GPR107: variants seen among roughly 807,000 people sequenced by gnomAD.
GPR107 encodes the protein protein GPR107.
A neutral mutation model predicts 75.5 loss-of-function variants in GPR107; 31 were observed. That is an observed-to-expected ratio of 0.41 (90% CI 0.31 to 0.55). The LOEUF is 0.55. Among genes scored for constraint, GPR107 ranks in the 20% least tolerant of loss-of-function variants. The probability of loss-of-function intolerance (pLI) is 0.26; values close to 1 mark genes in which losing one functional copy is unlikely to be tolerated. For synonymous variants in GPR107, 267 were observed against 251.3 expected, an observed-to-expected ratio of 1.06 and a Z score of -0.59; for missense variants, 572 against 665.7, an observed-to-expected ratio of 0.86 and a Z score of 1.55.
chr9:130,083,650 T>C, intron 6 of GPR107, 48 bp downstream of exon 6: 1 of 1,159,740 alleles, frequency 8.6e-7, no homozygotes, highest in Non-Finnish European at 1.2e-6. Flanking sequence ...GATATGTGTG[T>C]ACGTGTGTGT....
chr9:130,137,187 C>G lies in GPR107; in HGVS notation c.*2066C>G, dbSNP rs1554900095. On this transcript the variant is annotated 3_prime_UTR_variant, in exon 18 of 18. Transcript: ENST00000347136. ...AAAGGTGTGATGAAACCTCCCTGCT[C>G]GGAAGGGTCTCCGTGGAGGTGTCCT... The G allele has an allele frequency of 1.3e-5, 2 of 152,240 alleles. No homozygotes were observed. Among genetic ancestry groups the G allele is most frequent in the African/African-American group, 4.8e-5 (2 of 41,454 alleles). 9.4% of individuals were successfully genotyped at this position (152,240 alleles called of 1,614,324 possible).
chr9:130,116,009 G>A (rs1352564891), intron 14 of GPR107, among the ~76,000 whole-genome samples: 1 of 152,192 alleles, frequency 6.6e-6, no homozygotes, highest in Non-Finnish European at 1.5e-5. Context: ...CTCTATTCCT[G>A]TAATGCCATC....
Position 130,099,459 on chromosome 9 carries a change from A to C in GPR107, c.866A>C (p.Asn289Thr), listed in dbSNP as rs1289533595. Residue 289 changes from asparagine to threonine, a missense_variant and splice_region_variant, in exon 10 of 18, where the codon AAT (asparagine) becomes ACT (threonine). By Grantham distance (65) the Asn-to-Thr change is moderately conservative. Coordinates refer to ENST00000347136, the MANE Select transcript of GPR107 (RefSeq NM_020960.5). ...IWIHILRKRR[N>T]DVFKIHWLMA... ...TTGTTTTCTCTCTGTTTTTATAGGAATGATGTATTTAAAATCCACTGGCTG... is the reference window on the plus strand; with the variant it reads ...TTGTTTTCTCTCTGTTTTTATAGGACTGATGTATTTAAAATCCACTGGCTG... 1.3e-6 allele frequency: 2 copies of C among 1,568,890 alleles called. No homozygotes were observed. Among genetic ancestry groups the C allele is most frequent in the Admixed American group, 3.3e-5 (2 of 59,934 alleles).
chr9:130,127,641 G>A (rs535704050), intron 16 of GPR107, 75 bp downstream of exon 16: 7 of 804,316 alleles, frequency 8.7e-6, no homozygotes, highest in African/African-American at 6.8e-5. Flanking sequence ...CTTAACAGTT[G>A]TTACTAATTT....
chr9:130,120,256 G>A (rs894990081), intron 14 of GPR107, among the ~76,000 whole-genome samples: 4 of 152,210 alleles, frequency 2.6e-5, no homozygotes, highest in African/African-American at 2.4e-5. Flanking sequence ...TGTGTGGGGC[G>A]CGCAGGCTCA....
chr9:130,127,643 T>TA, intron 16 of GPR107, 77 bp downstream of exon 16: 1 of 796,518 alleles, frequency 1.3e-6, no homozygotes, highest in South Asian at 1.4e-5. Context: ...TAACAGTTGT[T>TA]ACTAATTTAT....
At chr9:130,100,811 G>T (rs1314103425) in intron 11 of GPR107, 109 bp downstream of exon 11, 11 of 792,066 alleles carry the variant, frequency 1.4e-5, no homozygotes, top group South Asian at 7.4e-5. Flanking sequence ...GTGGCAGCCT[G>T]TCTGGGCCCC....
chr9:130,075,937 A>G (rs1830338370), intron 2 of GPR107, among the ~76,000 whole-genome samples, 188 bp downstream of exon 2: 1 of 152,018 alleles, frequency 6.6e-6, no homozygotes, highest in South Asian at 2.1e-4. Context: ...ACCCACCACC[A>G]TGACCGTCTA....
At chr9:130,088,343 T>A (rs1051906485) in intron 7 of GPR107, among the ~76,000 whole-genome samples, 1 of 152,254 alleles carries the variant, frequency 6.6e-6, no homozygotes, top group Non-Finnish European at 1.5e-5. Flanking sequence ...AAGTCTTTGC[T>A]GAAATGTCAC....
At chr9:130,105,950 G>A (rs1426542178) in intron 13 of GPR107, among the ~76,000 whole-genome samples, 8 of 152,022 alleles carry the variant, frequency 5.3e-5, no homozygotes, top group African/African-American at 1.9e-4. Context: ...ATGAGCCACC[G>A]CACCCAGTGG....
Position 130,082,397 on chromosome 9 carries a change from A to G in GPR107, c.527-1168A>G, listed in dbSNP as rs946002175. On this transcript the variant is annotated intron_variant, in intron 5 of 17. Coordinates refer to ENST00000347136, the MANE Select transcript of GPR107 (RefSeq NM_020960.5). ...GCTCATATCACCGTTCTCTGGGAAG[A>G]AAATATTCTTTTCTTTCTCTTTATT... Among the ~76,000 whole-genome samples, 32 of 152,132 alleles carry G rather than the reference A, an allele frequency of 2.1e-4. 1 individual carries two copies.
chr9:130,104,759 G>A (rs902570465), intron 13 of GPR107, among the ~76,000 whole-genome samples: 1 of 152,212 alleles, frequency 6.6e-6, no homozygotes, highest in Non-Finnish European at 1.5e-5. Context: ...GAGCTAATCC[G>A]TCACCATGAG....
chr9:130,061,957 A>C (rs1829936114), intron 1 of GPR107, among the ~76,000 whole-genome samples: 1 of 151,716 alleles, frequency 6.6e-6, no homozygotes, highest in African/African-American at 2.4e-5. Context: ...AAAAAAAAGC[A>C]TTAGCCAAGG....
chr9:130,099,868 CTTTTTTTTTTTTTT>C (rs71387314), intron 10 of GPR107, among the ~76,000 whole-genome samples: 109 of 89,802 alleles, frequency 1.2e-3, no homozygotes, highest in Admixed American at 2.2e-3. Flanking sequence ...GTTTCCACGA[CTTTTTTTTTTTTTT>C]TTTTTTTTTT....
chr9:130,082,800 C>T (rs1830525143), intron 5 of GPR107, among the ~76,000 whole-genome samples: 1 of 151,300 alleles, frequency 6.6e-6, no homozygotes, highest in Non-Finnish European at 1.5e-5. Context: ...TAAGTGAAAA[C>T]AAAAGATAGA....
At chr9:130,107,607 A>T in intron 14 of GPR107, 68 bp downstream of exon 14, 2 of 980,850 alleles carry the variant, frequency 2.0e-6, no homozygotes, top group South Asian at 2.5e-5. Flanking sequence ...GGCACTGCGG[A>T]GGAGTGGAGG....
chr9:130,065,710 T>C (rs1359765201), intron 1 of GPR107, among the ~76,000 whole-genome samples: 1 of 136,710 alleles, frequency 7.3e-6, no homozygotes, highest in Non-Finnish European at 1.5e-5. Context: ...GAGGTTGCAG[T>C]GAACCAAGAT....
chr9:130,072,201 T>A (rs529230087), intron 1 of GPR107, among the ~76,000 whole-genome samples: 7 of 151,674 alleles, frequency 4.6e-5, no homozygotes, highest in Non-Finnish European at 1.0e-4. Flanking sequence ...TCTTTCTATT[T>A]ATTTATTTTT....
At chr9:130,070,411 C>A (rs560517980) in intron 1 of GPR107, among the ~76,000 whole-genome samples, 44 of 152,264 alleles carry the variant, frequency 2.9e-4, no homozygotes, top group African/African-American at 9.6e-4. Context: ...TCAAGTTATT[C>A]TCCTGCCTCA....
Sources: gnomAD v4.1 joint callset for allele counts (sites outside exome capture counted in the v4.1 genomes callset) on GRCh38, gnomAD v4.1.1 for gene constraint, MANE v1.5 for transcripts, NCBI Gene and HGNC (gene_info 2026-07-23, HGNC 2026-07-21) for gene names.